The following AK7 variants were observed in gnomAD, a reference collection of about 807,000 sequenced individuals.
AK7 encodes the protein ATP-AMP transphosphorylase 7.
AK7 carries 78 observed loss-of-function variants against 96.6 expected under a neutral mutation model. That is an observed-to-expected ratio of 0.81 (90% confidence interval 0.67 to 0.97). AK7 has a LOEUF of 0.97. Ranked by LOEUF, AK7 falls within the 50% of genes least tolerant of loss-of-function variation. The pLI, the probability that AK7 is intolerant of heterozygous loss-of-function variation, is 0.00. For missense variants in AK7, 855 were observed against 887.9 expected, an observed-to-expected ratio of 0.96 and a Z score of 0.47; for synonymous variants, 302 against 317.2, an observed-to-expected ratio of 0.95 and a Z score of 0.51.
chr14:96,424,674 T>C (rs1348361238), intron 5 of AK7, among the ~76,000 whole-genome samples: 3 of 152,156 alleles, frequency 2.0e-5, no homozygotes, highest in Non-Finnish European at 4.4e-5. Flanking sequence ...GCATCAAACA[T>C]TGGAAGAAAC....
Position 96,452,874 on chromosome 14 carries a change from G to A in AK7, c.1098+1304G>A, listed in dbSNP as rs1194918467. ...AATGTCCGCATCTAACTGCAGGGCC[G>A]CCACACCTGCCTCTCTGAAATCAGA... On this transcript the variant is annotated intron_variant, in intron 10 of 17. Coordinates refer to ENST00000267584, the MANE Select transcript of AK7 (RefSeq NM_152327.5). Among the ~76,000 whole-genome samples the A allele has an allele frequency of 2.6e-5, 4 of 152,130 alleles. No homozygotes were observed. The East Asian group carries it at 5.8e-4, about 22-fold the overall frequency.
chr14:96,480,697 G>C (rs764585156), intron 15 of AK7, among the ~76,000 whole-genome samples: 1 of 152,134 alleles, frequency 6.6e-6, no homozygotes, highest in Non-Finnish European at 1.5e-5. Flanking sequence ...TTTATAGGAA[G>C]ATCAGGAGAG....
intron 2 of AK7, 185 bp downstream of exon 2, chr14:96,398,448 C>T (rs1025911820): frequency 2.3e-5 from 15 of 640,718 alleles, no homozygotes; most frequent in Non-Finnish European, 4.0e-5. Flanking sequence ...TAATTTTCGG[C>T]CAAAGCAAAG....
At chr14:96,465,227 C>T (rs928810577) in intron 12 of AK7, among the ~76,000 whole-genome samples, 16 of 152,096 alleles carry the variant, frequency 1.1e-4, no homozygotes, top group East Asian at 7.7e-4. Context: ...TTTGGGAGGC[C>T]GAGGCGGGCG....
intron 8 of AK7, 86 bp downstream of exon 8, chr14:96,446,693 C>A: frequency 1.6e-6 from 2 of 1,235,540 alleles, no homozygotes; most frequent in Non-Finnish European, 2.4e-6. Flanking sequence ...GTAATCCTAG[C>A]ATTTTGGGAG....
At chr14:96,403,287 A>C (rs1346092401) in intron 2 of AK7, among the ~76,000 whole-genome samples, 3 of 151,918 alleles carry the variant, frequency 2.0e-5, no homozygotes, top group Non-Finnish European at 4.4e-5. Flanking sequence ...ATGCATATAC[A>C]AGACGAGGAA....
intron 7 of AK7, among the ~76,000 whole-genome samples, chr14:96,446,037 C>T (rs1893212913): frequency 6.6e-6 from 1 of 152,226 alleles, no homozygotes; most frequent in South Asian, 2.1e-4. Flanking sequence ...CAGGCTCAGG[C>T]ACTGTTGCTG....
At chr14:96,467,236 G>T (rs1230673963) in intron 12 of AK7, among the ~76,000 whole-genome samples, 2 of 151,796 alleles carry the variant, frequency 1.3e-5, no homozygotes, top group African/African-American at 4.8e-5. Flanking sequence ...ACAAATTAGT[G>T]CAGTATGAAA....
chr14:96,392,142 C>A lies in AK7; in HGVS notation c.-13C>A, dbSNP rs368458386. 3 of 1,604,770 alleles carry A rather than the reference C, an allele frequency of 1.9e-6. No homozygotes were observed. Among genetic ancestry groups the A allele is most frequent in the South Asian group, 2.2e-5 (2 of 90,846 alleles). ...GTGGCGCTTTCACCTTAGCAACCAG[C>A]GCGGCTCCCACCATGGCTGAAGAAG... On this transcript the variant is annotated 5_prime_UTR_variant, in exon 1 of 18. Coordinates refer to ENST00000267584, the MANE Select transcript of AK7 (RefSeq NM_152327.5).
At chr14:96,479,739 A>C (rs1280750418) in intron 15 of AK7, among the ~76,000 whole-genome samples, 1 of 151,888 alleles carries the variant, frequency 6.6e-6, no homozygotes, top group Admixed American at 6.6e-5. Context: ...CCCCTGACCT[A>C]CCTTTCTGGT....
At chr14:96,426,979 C>T (rs918136012) in intron 5 of AK7, among the ~76,000 whole-genome samples, 8 of 152,214 alleles carry the variant, frequency 5.3e-5, no homozygotes, top group African/African-American at 1.4e-4. Flanking sequence ...GGTGTGGTGG[C>T]TCACGCCTGT....
chr14:96,461,853 T>C (rs908830524), intron 12 of AK7, among the ~76,000 whole-genome samples: 3 of 152,230 alleles, frequency 2.0e-5, no homozygotes, highest in African/African-American at 7.2e-5. Flanking sequence ...CTGAAAGTGC[T>C]GGGACTACAG....
At chr14:96,412,377 G>A (rs529579954) in intron 4 of AK7, among the ~76,000 whole-genome samples, 24 of 151,214 alleles carry the variant, frequency 1.6e-4, no homozygotes, top group African/African-American at 5.8e-4. Flanking sequence ...ATAGGAGCCC[G>A]CCACCACACC....
At chr14:96,398,974 C>T (rs1036447407) in intron 2 of AK7, 2 of 146,126 alleles carry the variant, frequency 1.4e-5, no homozygotes, top group Non-Finnish European at 3.1e-5. Context: ...GTGGCCTTCT[C>T]TCTTTTTTTT....
At chr14:96,456,318 T>A (rs1893901691) in intron 10 of AK7, 29 bp from the exon 11 acceptor site, 1 of 1,597,700 alleles carries the variant, frequency 6.3e-7, no homozygotes, top group Non-Finnish European at 8.5e-7. Context: ...CAGAGCTTGC[T>A]GTATGTTCCT....
intron 8 of AK7, among the ~76,000 whole-genome samples, chr14:96,447,008 A>G (rs1446173276): frequency 6.6e-6 from 1 of 152,214 alleles, no homozygotes; most frequent in African/African-American, 2.4e-5. Context: ...CAGTTGTGCT[A>G]ACAAAACTGG....
chr14:96,468,296 CTT>C (rs67009492), intron 12 of AK7, among the ~76,000 whole-genome samples: 13 of 98,556 alleles, frequency 1.3e-4, no homozygotes, highest in South Asian at 7.1e-4. Flanking sequence ...GCACTCTTTC[CTT>C]TTTTTTTTTT....
intron 1 of AK7, among the ~76,000 whole-genome samples, chr14:96,396,361 T>G (rs1890084820): frequency 6.6e-6 from 1 of 152,210 alleles, no homozygotes; most frequent in Non-Finnish European, 1.5e-5. Context: ...GGAAGCTGTG[T>G]CTCGTCGTTA....
chr14:96,481,860 A>C (rs1263129174), intron 15 of AK7, among the ~76,000 whole-genome samples: 5 of 151,786 alleles, frequency 3.3e-5, no homozygotes, highest in Non-Finnish European at 7.4e-5. Context: ...GTGCACCACC[A>C]CACCAGGCTA....
Sources: gnomAD v4.1 joint callset for allele counts (sites outside exome capture counted in the v4.1 genomes callset) on GRCh38, gnomAD v4.1.1 for gene constraint, MANE v1.5 for transcripts, NCBI Gene and HGNC (gene_info 2026-07-23, HGNC 2026-07-21) for gene names.